Variants in COL23A1 observed in about 807,000 individuals in gnomAD.
The protein encoded by COL23A1 is collagen alpha-1(XXIII) chain.
Under a neutral mutation model 99.3 loss-of-function variants are expected in COL23A1, and 97 were observed. The observed-to-expected ratio is 0.98, with a 90% CI of 0.83 to 1.16. The LOEUF (loss-of-function observed/expected upper bound fraction) is 1.16, where lower values mean the gene tolerates loss of function less well. COL23A1 is among the 50% of genes most tolerant of loss of function. The pLI, the probability that COL23A1 is intolerant of heterozygous loss-of-function variation, is 0.00. For synonymous variants in COL23A1, 320 were observed against 308.2 expected (o/e 1.04, Z -0.40); for missense variants, 762 against 757.4 (o/e 1.01, Z -0.07).
Position 178,310,785 on chromosome 5 carries a change from C to T in COL23A1, c.362-3866G>A, listed in dbSNP as rs573690107. ...CTTGGCTGCAGCTAAGACCTGGCTC[C>T]AACAAGCAAAACCAGGCCTTTGGCC... On this transcript the variant is annotated intron_variant, in intron 2 of 28. Transcript: ENST00000390654. This position sits in a 1 kb window ranked among gnomAD's most constrained non-coding sequence, Gnocchi z 4.3. Among the ~76,000 whole-genome samples the T allele has an allele frequency of 2.6e-5, 4 of 152,248 alleles. No individual in the cohort carries two copies. The South Asian group carries it at 8.3e-4, about 32-fold the overall frequency.
rs572867151 is a variant in COL23A1, at chr5:178,365,961, G to C, written c.362-59042C>G. ...ACAGGCTTGGAAGCAGACACGCCCAGTTCAAGCCCCACTCCAGCCCTCCTC... is the reference window on the plus strand; with the variant it reads ...ACAGGCTTGGAAGCAGACACGCCCACTTCAAGCCCCACTCCAGCCCTCCTC... On this transcript the variant is annotated intron_variant, in intron 2 of 28. Transcript: ENST00000390654. This position sits in a 1 kb window ranked among gnomAD's most constrained non-coding sequence, Gnocchi z 5.2. Among the ~76,000 whole-genome samples, 1 of 152,252 alleles carries C rather than the reference G, an allele frequency of 6.6e-6. No individual in the cohort carries two copies. The highest frequency in any genetic ancestry group is 1.5e-5 in the Non-Finnish European group (1 of 67,998).
chr5:178,560,682 C>T lies in COL23A1; in HGVS notation c.361G>A (p.Gly121Arg), dbSNP rs779150783. Residue 121 changes from glycine (G) to arginine (R), a missense_variant and splice_region_variant, in exon 2 of 29, where the codon GGG becomes AGG. Transcript: ENST00000390654. ...EAPSECVCPP[G>R]PPGRRGKPGR... ...AGAAGGGAGCTCAACCTTCACTTAC[C>T]TGGGGGGCAGACACATTCGGATGGA... is the stretch of plus-strand genomic sequence containing the variant. 6.2e-7 allele frequency: 1 copy of T among 1,612,294 alleles called. No homozygotes were observed.
At chr5:178,249,952 GGT>G in intron 18 of COL23A1, 107 bp downstream of exon 18, 1 of 1,363,550 alleles carries the variant, frequency 7.3e-7, no homozygotes, top group Non-Finnish European at 1.0e-6. Context: ...TCTCACACAT[GGT>G]GTTTCTCTAA....
chr5:178,358,943 T>G (rs1279007125), intron 2 of COL23A1, among the ~76,000 whole-genome samples: 1 of 152,160 alleles, frequency 6.6e-6, no homozygotes, highest in East Asian at 1.9e-4. Context: ...TACATGACTG[T>G]AGTTAATATT....
chr5:178,343,654 T>C (rs1760794024), intron 2 of COL23A1, among the ~76,000 whole-genome samples: 1 of 14,346 alleles, frequency 7.0e-5, no homozygotes, highest in Non-Finnish European at 1.7e-4. Flanking sequence ...TTTTCCATTA[T>C]ATATATATAT....
chr5:178,293,372 A>C (rs2127589885), intron 3 of COL23A1, among the ~76,000 whole-genome samples: 1 of 152,142 alleles, frequency 6.6e-6, no homozygotes, highest in East Asian at 1.9e-4. Context: ...GCTGCTAGGC[A>C]TGTGCCATGG....
At chr5:178,268,508 G>A (rs1341050762) in intron 7 of COL23A1, among the ~76,000 whole-genome samples, 1 of 152,198 alleles carries the variant, frequency 6.6e-6, no homozygotes, top group Non-Finnish European at 1.5e-5. Context: ...GGTCCCAGGA[G>A]AACTCAAGAC....
chr5:178,250,156 G>A (rs758137973), intron 17 of COL23A1, 51 bp from the exon 18 acceptor site: 2 of 1,609,748 alleles, frequency 1.2e-6, no homozygotes, highest in East Asian at 2.2e-5. Context: ...TCCTAAAGAG[G>A]TGTCAGCAGC....
intron 2 of COL23A1, among the ~76,000 whole-genome samples, chr5:178,336,684 C>A (rs1760339841): frequency 6.6e-6 from 1 of 152,172 alleles, no homozygotes; most frequent in African/African-American, 2.4e-5. Flanking sequence ...GTACTCAACC[C>A]CACTGAAATG....
At chr5:178,492,577 C>A (rs1757988229) in intron 2 of COL23A1, among the ~76,000 whole-genome samples, 1 of 151,866 alleles carries the variant, frequency 6.6e-6, no homozygotes, top group Admixed American at 6.6e-5. Context: ...AAATCCAGGC[C>A]ATACAAAGGA....
chr5:178,524,918 T>C (rs1760227135), intron 2 of COL23A1, among the ~76,000 whole-genome samples: 5 of 152,142 alleles, frequency 3.3e-5, no homozygotes, highest in Admixed American at 3.3e-4. Context: ...CGGGACTCCA[T>C]TTACACACGC....
chr5:178,548,795 T>C, intron 2 of COL23A1, among the ~76,000 whole-genome samples: 2 of 152,304 alleles, frequency 1.3e-5, no homozygotes, highest in South Asian at 4.1e-4. Context: ...AAGGTGGCAT[T>C]TGCTTTCTAT....
chr5:178,287,180 C>T (rs1035923190), intron 5 of COL23A1, among the ~76,000 whole-genome samples: 2 of 152,308 alleles, frequency 1.3e-5, no homozygotes, highest in African/African-American at 4.8e-5. Flanking sequence ...GGGCCCTAAC[C>T]CCAGGTGTGC....
chr5:178,537,419 G>A (rs1272737411), intron 2 of COL23A1, among the ~76,000 whole-genome samples: 2 of 152,260 alleles, frequency 1.3e-5, no homozygotes, highest in East Asian at 3.9e-4. Context: ...GTGGGGCTGG[G>A]TGAAGGGCAA....
At chr5:178,453,177 G>C (rs1007225846) in intron 2 of COL23A1, among the ~76,000 whole-genome samples, 1 of 152,182 alleles carries the variant, frequency 6.6e-6, no homozygotes, top group Non-Finnish European at 1.5e-5. Context: ...GCCGTATGTT[G>C]TGTGTTGTAA....
At chr5:178,546,043 T>C (rs555819290) in intron 2 of COL23A1, among the ~76,000 whole-genome samples, 1 of 152,040 alleles carries the variant, frequency 6.6e-6, no homozygotes, top group East Asian at 1.9e-4. Context: ...GCACCCTAGA[T>C]TCCAAGGAGC....
At chr5:178,328,265 C>A (rs187721643) in intron 2 of COL23A1, among the ~76,000 whole-genome samples, 10 of 152,204 alleles carry the variant, frequency 6.6e-5, no homozygotes, top group Admixed American at 5.9e-4. Flanking sequence ...CCTGTCCACA[C>A]GCCCCACTGC....
chr5:178,564,304 C>T (rs73804266), intron 1 of COL23A1, among the ~76,000 whole-genome samples: 20,111 of 152,052 alleles, frequency 0.13, 1,887 homozygotes, highest in Middle Eastern at 0.28. Flanking sequence ...CCGGACCCCA[C>T]CTCTCCCCCA....
intron 13 of COL23A1, among the ~76,000 whole-genome samples, chr5:178,257,314 T>A (rs1398707482): frequency 2.0e-5 from 3 of 152,008 alleles, no homozygotes; most frequent in African/African-American, 7.2e-5. Flanking sequence ...CAAGAGGGCT[T>A]GAGGGAGTGA....
Sources: gnomAD v4.1 joint callset for allele counts (sites outside exome capture counted in the v4.1 genomes callset) on GRCh38, gnomAD v4.1.1 for gene constraint, Gnocchi (gnomAD v3.1) non-coding constraint, MANE v1.5 for transcripts, NCBI Gene and HGNC (gene_info 2026-07-23, HGNC 2026-07-21) for gene names.